Variants in MGAT4C observed in about 807,000 individuals in gnomAD.
The protein encoded by MGAT4C is alpha-1,3-mannosyl-glycoprotein 4-beta-N-acetylglucosaminyltransferase C.
In MGAT4C, 19 loss-of-function variants were observed where a neutral mutation model predicts 40.1. The ratio of observed to expected loss-of-function variants is 0.47; its 90% CI spans 0.33 to 0.70. The LOEUF (loss-of-function observed/expected upper bound fraction) is 0.70, where lower values mean the gene tolerates loss of function less well. MGAT4C is among the 30% of genes least tolerant of loss of function. The probability of loss-of-function intolerance (pLI) is 0.02; values close to 1 mark genes in which losing one functional copy is unlikely to be tolerated. For missense variants in MGAT4C, 491 were observed against 563.2 expected, an observed-to-expected ratio of 0.87 and a Z score of 1.30; for synonymous variants, 181 against 187.1, an observed-to-expected ratio of 0.97 and a Z score of 0.27.
Position 86,558,031 on chromosome 12 carries a change from C to T in MGAT4C, c.-228-122766G>A, listed in dbSNP as rs140660006. 2.1e-4 allele frequency among the ~76,000 whole-genome samples: 32 copies of T among 151,450 alleles called. No individual in the cohort carries two copies. The East Asian group carries it at 6.0e-3, about 28-fold the overall frequency. On this transcript the variant is annotated intron_variant, in intron 2 of 7. Transcript: ENST00000548651. The stretch of plus-strand genomic sequence containing the variant: ...AAGATATAGATGTAATAAAAAGCAA[C>T]CAAATAGAAATCCTGGAAATTAAGA...
chr12:86,774,956 G>A lies in MGAT4C; in HGVS notation c.-261-47715C>T, dbSNP rs553383528. 4.6e-5 allele frequency among the ~76,000 whole-genome samples: 7 copies of A among 152,252 alleles called. 1 individual carries two copies. Among genetic ancestry groups the A allele is most frequent in the East Asian group, 1.9e-4 (1 of 5,182 alleles). On this transcript the variant is annotated intron_variant, in intron 1 of 7. Coordinates refer to the MGAT4C transcript ENST00000548651. ...AAAGAATCAATGTAATAGATTATCC[G>A]TAGGTCAAGTATTATTAAGCAGAAA...
rs78437636 is a variant in MGAT4C, at chr12:86,504,303, A to G, written c.-228-69038T>C. On this transcript the variant is annotated intron_variant, in intron 2 of 7. Transcript: ENST00000548651. ...CCACACCTGGGCATATAACCAAAAA[A>G]TTTGGTACATATGTGTGTGTAAAGA... Among the ~76,000 whole-genome samples the G allele has an allele frequency of 3.3e-3, 510 of 152,244 alleles. 1 individual carries two copies. The highest frequency in any genetic ancestry group is 0.012 in the African/African-American group (493 of 41,540).
At chr12:86,627,252 C>G (rs150863952) in intron 2 of MGAT4C, among the ~76,000 whole-genome samples, 1 of 152,154 alleles carries the variant, frequency 6.6e-6, no homozygotes, top group East Asian at 1.9e-4. Context: ...CACAGCTCAG[C>G]GAGGCTCACC....
intron 1 of MGAT4C, among the ~76,000 whole-genome samples, chr12:86,242,756 T>C (rs1434475714): frequency 1.3e-5 from 2 of 152,036 alleles, no homozygotes; most frequent in Non-Finnish European, 2.9e-5. Flanking sequence ...TACAATGGCA[T>C]GCATAAGGCA....
intron 3 of MGAT4C, among the ~76,000 whole-genome samples, chr12:86,338,327 T>C (rs186672231): frequency 3.9e-5 from 6 of 152,162 alleles, no homozygotes; most frequent in Admixed American, 3.9e-4. Context: ...ATCTGGGTGG[T>C]TCCAGCTGAT....
At chr12:86,683,845 G>T (rs1279477008) in intron 2 of MGAT4C, among the ~76,000 whole-genome samples, 1 of 152,104 alleles carries the variant, frequency 6.6e-6, no homozygotes, top group Admixed American at 6.6e-5. Context: ...GCACTCATAT[G>T]CTGCCTTCCT....
At chr12:86,662,317 T>C (rs1012133374) in intron 2 of MGAT4C, among the ~76,000 whole-genome samples, 1 of 152,216 alleles carries the variant, frequency 6.6e-6, no homozygotes, top group Non-Finnish European at 1.5e-5. Flanking sequence ...TCTAAAATCT[T>C]AGCACATAGT....
At chr12:86,672,770 G>T (rs989813065) in intron 2 of MGAT4C, among the ~76,000 whole-genome samples, 1 of 152,096 alleles carries the variant, frequency 6.6e-6, no homozygotes, top group African/African-American at 2.4e-5. Context: ...AGGTTGGCAG[G>T]CAGGGAAAAT....
Position 86,013,603 on chromosome 12 carries a change from A to C in MGAT4C, c.-6-24051T>G, listed in dbSNP as rs186398197. The C allele has an allele frequency of 8.1e-4, 254 of 313,146 alleles. 1 individual carries two copies. Among genetic ancestry groups the C allele is most frequent in the African/African-American group, 5.2e-3 (230 of 44,396 alleles). The allele number at this position is 313,146 out of a possible 1,614,324, so 19.4% of individuals were successfully genotyped here. A position where few individuals can be genotyped will look rare whatever the true frequency, so the allele number is the denominator to read the frequency against. On this transcript the variant is annotated intron_variant, in intron 2 of 4. Coordinates refer to ENST00000611864, the MANE Select transcript of MGAT4C (RefSeq NM_001351288.2). ...TATACATATAAATAAACAATTATAC[A>C]TATATAAATAGAGCTATATTCACTT...
chr12:86,212,645 T>G, intron 1 of MGAT4C, among the ~76,000 whole-genome samples: 1 of 150,496 alleles, frequency 6.6e-6, no homozygotes, highest in East Asian at 2.0e-4. Flanking sequence ...TCCCAGCACT[T>G]TGGGAGGCCG....
intron 4 of MGAT4C, among the ~76,000 whole-genome samples, chr12:86,265,647 T>G (rs987086817): frequency 6.6e-6 from 1 of 152,192 alleles, no homozygotes; most frequent in Non-Finnish European, 1.5e-5. Context: ...AGGGTCTTTT[T>G]GGTTTCATAT....
intron 4 of MGAT4C, among the ~76,000 whole-genome samples, chr12:86,310,755 C>T (rs577320429): frequency 3.6e-4 from 55 of 152,074 alleles, no homozygotes; most frequent in African/African-American, 1.0e-3. Flanking sequence ...ATCCCTGTCT[C>T]GGCTAAAAAT....
chr12:86,101,228 C>G (rs12298006), intron 1 of MGAT4C, among the ~76,000 whole-genome samples: 1 of 151,686 alleles, frequency 6.6e-6, no homozygotes, highest in African/African-American at 2.4e-5. Context: ...AGGGATAAGA[C>G]TGAAAAGTCA....
intron 2 of MGAT4C, among the ~76,000 whole-genome samples, chr12:86,578,511 C>T (rs2136430818): frequency 6.6e-6 from 1 of 151,818 alleles, no homozygotes; most frequent in South Asian, 2.1e-4. Context: ...CTTTTCTTTG[C>T]AGGGAAACTT....
intron 4 of MGAT4C, among the ~76,000 whole-genome samples, chr12:86,332,116 T>A (rs1010679468): frequency 6.6e-6 from 1 of 152,088 alleles, no homozygotes; most frequent in African/African-American, 2.4e-5. Context: ...TTGTTTTGGA[T>A]TGCAATACAG....
At chr12:86,189,339 T>A (rs1889115985) in intron 1 of MGAT4C, among the ~76,000 whole-genome samples, 1 of 151,888 alleles carries the variant, frequency 6.6e-6, no homozygotes, top group African/African-American at 2.4e-5. Flanking sequence ...GGTAACTGGA[T>A]TCTCAAGATG....
At chr12:86,621,433 T>C (rs1290880240) in intron 2 of MGAT4C, among the ~76,000 whole-genome samples, 1 of 152,128 alleles carries the variant, frequency 6.6e-6, no homozygotes, top group Admixed American at 6.5e-5. Flanking sequence ...AGAGTATAGA[T>C]GGTTCCTGAA....
At chr12:86,617,634 G>A (rs191733490) in intron 2 of MGAT4C, among the ~76,000 whole-genome samples, 2 of 151,810 alleles carry the variant, frequency 1.3e-5, no homozygotes, top group African/African-American at 4.8e-5. Flanking sequence ...CTTGCAGTGC[G>A]CGGAGATCCT....
At chr12:86,360,602 C>A (rs1955440699) in intron 3 of MGAT4C, among the ~76,000 whole-genome samples, 1 of 152,046 alleles carries the variant, frequency 6.6e-6, no homozygotes. Context: ...GTCTCAGACC[C>A]AAATCTCCTT....
Sources: allele counts gnomAD v4.1 joint callset (sites outside exome capture counted in the v4.1 genomes callset), GRCh38; gene constraint gnomAD v4.1.1; transcripts MANE v1.5; gene names NCBI Gene and HGNC (gene_info 2026-07-23, HGNC 2026-07-21).